The following RIT2 variants were observed in gnomAD, a reference collection of about 807,000 sequenced individuals.
RIT2 encodes the protein Ras like without CAAX 2.
RIT2 carries 24 observed loss-of-function variants against 23.7 expected under a neutral mutation model. The observed-to-expected ratio is 1.01, with a 90% CI of 0.73 to 1.43. The LOEUF (loss-of-function observed/expected upper bound fraction) is 1.43. Among genes scored for constraint, RIT2 ranks in the 40% most tolerant of loss-of-function variants. The pLI is 0.00. For synonymous variants in RIT2, 107 were observed against 91.1 expected, an observed-to-expected ratio of 1.17 and a Z score of -0.99; for missense variants, 236 against 266.9, an observed-to-expected ratio of 0.88 and a Z score of 0.81.
chr18:42,809,415 G>A (rs1905776047), intron 4 of RIT2, among the ~76,000 whole-genome samples: 1 of 151,968 alleles, frequency 6.6e-6, no homozygotes, highest in South Asian at 2.1e-4. Flanking sequence ...CCATGAAACT[G>A]GGGAATTTCA....
intron 2 of RIT2, among the ~76,000 whole-genome samples, chr18:43,000,486 A>T (rs991991214): frequency 1.3e-5 from 2 of 151,918 alleles, no homozygotes; most frequent in South Asian, 4.2e-4. Context: ...GGATGAAGAG[A>T]TTTACATTCA....
chr18:42,984,585 T>G (rs1910667640), intron 2 of RIT2, among the ~76,000 whole-genome samples: 1 of 152,094 alleles, frequency 6.6e-6, no homozygotes. Context: ...TATTTCTGTT[T>G]TTTATTTATT....
At chr18:42,795,277 G>T (rs902498342) in intron 4 of RIT2, among the ~76,000 whole-genome samples, 1 of 152,230 alleles carries the variant, frequency 6.6e-6, no homozygotes, top group Admixed American at 6.5e-5. Context: ...CCGGGGCTGC[G>T]TGCAGTGCTT....
chr18:42,928,443 T>C (rs192980317), intron 3 of RIT2, among the ~76,000 whole-genome samples: 18 of 152,208 alleles, frequency 1.2e-4, no homozygotes, highest in Non-Finnish European at 2.1e-4. Context: ...TTCCAAAGAT[T>C]ATGTATAGTC....
chr18:43,088,083 G>T (rs1295035625), intron 1 of RIT2, among the ~76,000 whole-genome samples: 1 of 152,044 alleles, frequency 6.6e-6, no homozygotes, highest in African/African-American at 2.4e-5. Flanking sequence ...ATAGTCTTGA[G>T]CAAAACTGTT....
chr18:42,871,991 CA>C (rs1907632831), intron 4 of RIT2, among the ~76,000 whole-genome samples: 1 of 152,180 alleles, frequency 6.6e-6, no homozygotes, highest in South Asian at 2.1e-4. Flanking sequence ...CATTCAGTCT[CA>C]CCCTTTGCCA....
At chr18:42,767,261 A>T (rs1913446088) in intron 4 of RIT2, among the ~76,000 whole-genome samples, 1 of 152,172 alleles carries the variant, frequency 6.6e-6, no homozygotes, top group Admixed American at 6.5e-5. Context: ...GTAACCTGAA[A>T]AGCCACAGGG....
chr18:42,815,322 T>G (rs1290134602), intron 4 of RIT2, among the ~76,000 whole-genome samples: 1 of 152,136 alleles, frequency 6.6e-6, no homozygotes, highest in Non-Finnish European at 1.5e-5. Context: ...AAATGCAAAC[T>G]GCTCTGGAAA....
intron 2 of RIT2, among the ~76,000 whole-genome samples, chr18:43,009,745 G>T (rs1443075397): frequency 6.6e-6 from 1 of 151,650 alleles, no homozygotes; most frequent in African/African-American, 2.4e-5. Flanking sequence ...ATTAAAGCGT[G>T]ACATTGACAC....
At chr18:42,812,820 C>T (rs1424613379) in intron 4 of RIT2, among the ~76,000 whole-genome samples, 1 of 152,168 alleles carries the variant, frequency 6.6e-6, no homozygotes, top group Non-Finnish European at 1.5e-5. Context: ...GACAAATCTA[C>T]TCTTAAAAAA....
intron 4 of RIT2, among the ~76,000 whole-genome samples, chr18:42,744,028 A>G (rs903651992): frequency 6.6e-6 from 1 of 152,182 alleles, no homozygotes; most frequent in African/African-American, 2.4e-5. Context: ...GCCTTAAGTG[A>G]TGACATTACC....
At chr18:42,894,225 G>T (rs1332444229) in intron 4 of RIT2, among the ~76,000 whole-genome samples, 1 of 152,170 alleles carries the variant, frequency 6.6e-6, no homozygotes, top group Non-Finnish European at 1.5e-5. Flanking sequence ...TTGCAAGGCA[G>T]CTGGTGAAAC....
chr18:43,058,436 A>G (rs1912560811), intron 1 of RIT2, among the ~76,000 whole-genome samples: 1 of 152,106 alleles, frequency 6.6e-6, no homozygotes, highest in African/African-American at 2.4e-5. Context: ...CCACTAAATT[A>G]GATTCTAATT....
intron 4 of RIT2, among the ~76,000 whole-genome samples, chr18:42,752,995 T>C (rs1913081825): frequency 1.3e-5 from 2 of 152,128 alleles, no homozygotes; most frequent in Non-Finnish European, 2.9e-5. Flanking sequence ...ATATGACCTT[T>C]TTCACCGAAG....
chr18:42,760,914 A>G (rs1286153817), intron 4 of RIT2, among the ~76,000 whole-genome samples: 2 of 152,182 alleles, frequency 1.3e-5, no homozygotes, highest in Non-Finnish European at 2.9e-5. Context: ...GGGGACTCCT[A>G]TGATTAGATA....
At chr18:43,113,345 A>C (rs1913996002) in intron 1 of RIT2, among the ~76,000 whole-genome samples, 1 of 152,166 alleles carries the variant, frequency 6.6e-6, no homozygotes, top group Admixed American at 6.6e-5. Context: ...ATTTATATAT[A>C]ATCAATACAA....
chr18:42,859,569 G>A lies in RIT2; in HGVS notation c.426+64003C>T, dbSNP rs373976407. ...TGATCTGGTACGTCCAATTTAATTT[G>A]ATAAATCCTAGTTTTTTTCTTTGTT... is the stretch of plus-strand genomic sequence containing the variant. On this transcript the variant is annotated intron_variant, in intron 4 of 4. Transcript: ENST00000326695. Among the ~76,000 whole-genome samples, 77 of 152,108 alleles carry A rather than the reference G, an allele frequency of 5.1e-4. 1 individual carries two copies. The East Asian group carries it at 0.014, about 28-fold the overall frequency.
chr18:43,006,196 C>G (rs900520324), intron 2 of RIT2, among the ~76,000 whole-genome samples: 1 of 151,494 alleles, frequency 6.6e-6, no homozygotes, highest in Admixed American at 6.6e-5. Context: ...TTTTAAGAAA[C>G]TATCTTAAAT....
At chr18:42,775,953 A>G (rs1214338318) in intron 4 of RIT2, among the ~76,000 whole-genome samples, 2 of 152,174 alleles carry the variant, frequency 1.3e-5, no homozygotes, top group African/African-American at 2.4e-5. Flanking sequence ...GAGTAAAAAA[A>G]TAAATAAGTA....
Sources: allele counts gnomAD v4.1 joint callset (sites outside exome capture counted in the v4.1 genomes callset), GRCh38; gene constraint gnomAD v4.1.1; transcripts MANE v1.5; gene names NCBI Gene and HGNC (gene_info 2026-07-23, HGNC 2026-07-21).